SMG1: variants seen among roughly 807,000 people sequenced by gnomAD.
The protein encoded by SMG1 is serine/threonine-protein kinase SMG1.
SMG1 carries 22 observed loss-of-function variants against 419.9 expected under a neutral mutation model. That is an observed-to-expected ratio of 0.05 (90% CI 0.04 to 0.07). The LOEUF (loss-of-function observed/expected upper bound fraction) is 0.07, where lower values mean the gene tolerates loss of function less well. Among genes scored for constraint, SMG1 ranks in the 10% least tolerant of loss-of-function variants. SMG1 has a pLI of 1.00. For synonymous variants in SMG1, 1,538 were observed against 1,553.5 expected (o/e 0.99, Z 0.23); for missense variants, 3,185 against 4,342.0 (o/e 0.73, Z 7.49).
chr16:18,873,466 C>G (rs1043953122), intron 13 of SMG1, among the ~76,000 whole-genome samples: 9 of 152,120 alleles, frequency 5.9e-5, no homozygotes, highest in Admixed American at 2.0e-4. Context: ...AGGTGATCTG[C>G]CCCCCTCGGT....
intron 5 of SMG1, among the ~76,000 whole-genome samples, chr16:18,890,001 GA>G (rs2036806385): frequency 6.6e-6 from 1 of 152,068 alleles, no homozygotes; most frequent in African/African-American, 2.4e-5. Flanking sequence ...AACTTAAAAG[GA>G]TAACAGTAAT....
Position 18,838,249 on chromosome 16 carries a change from T to G in SMG1, c.7195-17A>C. The G allele has an allele frequency of 6.2e-7, 1 of 1,609,108 alleles. No individual in the cohort carries two copies. Among genetic ancestry groups the G allele is most frequent in the Non-Finnish European group, 8.5e-7 (1 of 1,176,958 alleles). On this transcript the variant is annotated splice_polypyrimidine_tract_variant and intron_variant, in intron 44 of 62. Coordinates refer to ENST00000446231, the MANE Select transcript of SMG1 (RefSeq NM_015092.5). ...GTGTAAAACCTGTTTTCAGGAGAGT[T>G]TTTAAAATAAGGTCTGCCACAAGTT... is the stretch of plus-strand genomic sequence containing the variant.
intron 7 of SMG1, 146 bp from the exon 8 acceptor site, chr16:18,885,308 G>A (rs2036568241): frequency 1.6e-6 from 1 of 640,540 alleles, no homozygotes; most frequent in African/African-American, 1.8e-5. Flanking sequence ...GGGGAGAGGG[G>A]CAGGAAAATA....
chr16:18,896,661 A>G (rs1177211904), intron 2 of SMG1, 132 bp downstream of exon 2: 2 of 631,590 alleles, frequency 3.2e-6, no homozygotes, highest in East Asian at 2.9e-5. Context: ...GTTTTCAGAA[A>G]TAACACTGCA....
chr16:18,815,315 A>T (rs1472790878), intron 59 of SMG1, 34 bp from the exon 60 acceptor site: 1 of 1,539,710 alleles, frequency 6.5e-7, no homozygotes, highest in Non-Finnish European at 8.9e-7. Context: ...TATTTACGAA[A>T]TGTTTTACCT....
chr16:18,847,523 A>T lies in SMG1; in HGVS notation c.5926T>A (p.Tyr1976Asn). ...AGCTGCTGAATTCGTCTCAGGACAT[A>T]CATGTGTTGTTGCAGCAAAACTCCC... ...WLGVLLQQHM[Y>N]VLRRIQQLED... is the part of the protein sequence containing the mutation. The change falls in exon 38 of 63, where the codon TAT becomes AAT. Residue 1976 changes from tyrosine (Y) to asparagine (N), a missense_variant. By Grantham distance (143) the Tyr-to-Asn change is moderately radical. Coordinates refer to ENST00000446231, the MANE Select transcript of SMG1 (RefSeq NM_015092.5). 1 of 1,614,042 alleles carries T rather than the reference A, an allele frequency of 6.2e-7. No individual in the cohort carries two copies. Among genetic ancestry groups the T allele is most frequent in the Non-Finnish European group, 8.5e-7 (1 of 1,179,880 alleles).
rs748040932 is a variant in SMG1 at position 18,885,642 on chromosome 16, T to G, written c.847A>C (p.Ile283Leu). ...MQLVMTSLQS[I>L]LENVDTPELL... ...TCTGGTGTATCCACATTTTCAAGAA[T>G]AGACTGCAGGCTGGTCATTACAAGC... The change falls in exon 7 of 63, where the codon ATT becomes CTT. Residue 283 changes from isoleucine to leucine, a missense_variant. This residue lies in a region of SMG1 where 53 missense variants were observed against 56.3 expected (regional missense o/e 0.94). Transcript: ENST00000446231. 7 of 1,595,990 alleles carry G rather than the reference T, an allele frequency of 4.4e-6. No homozygotes were observed. Among genetic ancestry groups the G allele is most frequent in the African/African-American group, 2.7e-5 (2 of 74,830 alleles).
chr16:18,816,241 A>C, intron 58 of SMG1, 61 bp downstream of exon 58: 2 of 1,294,470 alleles, frequency 1.5e-6, no homozygotes, highest in Non-Finnish European at 2.1e-6. Flanking sequence ...CTATAAATAA[A>C]ACTACTTGTA....
At chr16:18,888,914 G>A (rs182671253) in intron 6 of SMG1, among the ~76,000 whole-genome samples, 63 of 142,904 alleles carry the variant, frequency 4.4e-4, no homozygotes, top group African/African-American at 1.5e-3. Context: ...GCTCCGCCTC[G>A]CAGGTTCACG....
intron 23 of SMG1, among the ~76,000 whole-genome samples, chr16:18,864,720 G>A (rs561102068): frequency 6.6e-6 from 1 of 152,040 alleles, no homozygotes; most frequent in South Asian, 2.1e-4. Context: ...CAAGCAATCC[G>A]CTCACCTCAG....
intron 10 of SMG1, among the ~76,000 whole-genome samples, chr16:18,880,088 ATAC>A (rs1351002948): frequency 6.6e-6 from 1 of 152,240 alleles, no homozygotes; most frequent in Non-Finnish European, 1.5e-5. Context: ...CTGCCCACAC[ATAC>A]TACAAGCTAG....
In SMG1 at chr16:18,830,372, A is replaced by G; in HGVS notation, c.8793-3T>C. 1 of 1,613,730 alleles carries G rather than the reference A, an allele frequency of 6.2e-7. No homozygotes were observed. Among genetic ancestry groups the G allele is most frequent in the Non-Finnish European group, 8.5e-7 (1 of 1,179,802 alleles). ...CACCGTACTGAGCATGTAGTAGTCT[A>G]CAGAAAAACAAAAGGAGTTAAAACC... On this transcript the variant is annotated splice_polypyrimidine_tract_variant and splice_region_variant and intron_variant, in intron 51 of 62. Coordinates refer to ENST00000446231, the MANE Select transcript of SMG1 (RefSeq NM_015092.5).
At chr16:18,837,194 T>C (rs1382442312) in intron 46 of SMG1, 59 bp downstream of exon 46, 1 of 1,420,044 alleles carries the variant, frequency 7.0e-7, no homozygotes, top group Admixed American at 2.1e-5. Context: ...GATGTTTACA[T>C]GAATATGAAA....
At chr16:18,859,934 C>T (rs1184094550) in intron 26 of SMG1, among the ~76,000 whole-genome samples, 3 of 152,090 alleles carry the variant, frequency 2.0e-5, no homozygotes, top group Non-Finnish European at 4.4e-5. Flanking sequence ...ATCAGTAAGT[C>T]GAGGCCAGGC....
chr16:18,905,728 C>A (rs2037534790), intron 1 of SMG1, among the ~76,000 whole-genome samples: 1 of 151,686 alleles, frequency 6.6e-6, no homozygotes, highest in African/African-American at 2.4e-5. Context: ...TCTCCTGCCT[C>A]AGCCTCCCAA....
At chr16:18,837,661 A>G (rs898641511) in intron 45 of SMG1, among the ~76,000 whole-genome samples, 16 of 152,242 alleles carry the variant, frequency 1.1e-4, no homozygotes, top group African/African-American at 1.7e-4. Flanking sequence ...ATAGTTGCCA[A>G]TGTCACCCAG....
intron 55 of SMG1, among the ~76,000 whole-genome samples, chr16:18,821,222 T>TACTCCTGGTTCAAAA (rs1567322096): frequency 2.0e-5 from 1 of 51,040 alleles, no homozygotes; most frequent in Admixed American, 2.3e-4. Flanking sequence ...AGTATGTTTC[T>TACTCCTGGTTCAAAA]TTTTTTTTTT....
chr16:18,850,541 T>C (rs1183422890), intron 33 of SMG1, 74 bp from the exon 34 acceptor site: 6 of 1,029,164 alleles, frequency 5.8e-6, no homozygotes, highest in Non-Finnish European at 7.1e-6. Flanking sequence ...AATTTGACTA[T>C]CATAAAAAAT....
At chr16:18,819,146 T>C (rs749391553) in intron 56 of SMG1, among the ~76,000 whole-genome samples, 13 of 152,378 alleles carry the variant, frequency 8.5e-5, no homozygotes, top group East Asian at 1.9e-4. Context: ...AGACGTTTTA[T>C]TGTCATGTGG....
Sources: allele counts gnomAD v4.1 joint callset (sites outside exome capture counted in the v4.1 genomes callset), GRCh38; gene constraint gnomAD v4.1.1; regional missense constraint gnomAD v4.1.1; transcripts MANE v1.5; gene names NCBI Gene and HGNC (gene_info 2026-07-23, HGNC 2026-07-21).